NFKB1: variants seen among roughly 807,000 people sequenced by gnomAD.
NFKB1 encodes nuclear factor NF-kappa-B p105 subunit.
In NFKB1, 9 loss-of-function variants were observed where a neutral mutation model predicts 105.1. That is an observed-to-expected ratio of 0.09 (90% CI 0.05 to 0.15). NFKB1 has a LOEUF of 0.15. Ranked by LOEUF, NFKB1 falls within the 10% of genes least tolerant of loss-of-function variation. The pLI is 1.00. For missense variants in NFKB1, 830 were observed against 1,203.7 expected, an observed-to-expected ratio of 0.69 and a Z score of 4.59; for synonymous variants, 440 against 442.2, an observed-to-expected ratio of 1.00 and a Z score of 0.06.
intron 5 of NFKB1, 36 bp from the exon 6 acceptor site, chr4:102,566,951 A>C: frequency 6.2e-7 from 1 of 1,610,122 alleles, no homozygotes; most frequent in East Asian, 2.2e-5. Context: ...CTGGAGAGTC[A>C]GATATGCTAA....
At position 102,577,393 on chromosome 4, in the gene NFKB1, C is replaced by T. The variant is rs754051338; in HGVS notation, c.571+354C>T. On this transcript the variant is annotated intron_variant, in intron 7 of 23. Coordinates refer to ENST00000226574, the MANE Select transcript of NFKB1 (RefSeq NM_003998.4). ...CCCCACCGTTTCCATTTCACCCTCT[C>T]GAAAACCAATGCAGAAATCAAGACT... 5.9e-5 allele frequency among the ~76,000 whole-genome samples: 9 copies of T among 152,140 alleles called. No individual in the cohort carries two copies. In the East Asian group the frequency reaches 7.7e-4, roughly 13 times the overall value.
At chr4:102,556,184 G>A (rs1469832536) in intron 5 of NFKB1, among the ~76,000 whole-genome samples, 1 of 152,166 alleles carries the variant, frequency 6.6e-6, no homozygotes, top group Non-Finnish European at 1.5e-5. Flanking sequence ...CCAGGAGGTG[G>A]AGTAGCTTTG....
Position 102,615,914 on chromosome 4 carries a change from T to C in NFKB1, c.2750-520T>C, listed in dbSNP as rs531923249. Among the ~76,000 whole-genome samples, 8 of 152,372 alleles carry C rather than the reference T, an allele frequency of 5.3e-5. No individual in the cohort carries two copies. The East Asian group carries it at 5.8e-4, about 11-fold the overall frequency. ...TATAAACAAAGGGAATTCAACCTGA[T>C]TTTCCAGTATAGACTCATTTTCACC... On this transcript the variant is annotated intron_variant, in intron 23 of 23. Transcript: ENST00000226574.
chr4:102,546,139 T>C (rs987481761), intron 5 of NFKB1, among the ~76,000 whole-genome samples: 1 of 152,170 alleles, frequency 6.6e-6, no homozygotes, highest in Non-Finnish European at 1.5e-5. Context: ...TTATTGCTAA[T>C]ATTTGTAGTG....
rs114415650 is a variant in NFKB1 at position 102,541,718 on chromosome 4, G to C, written c.258+3762G>C. On this transcript the variant is annotated intron_variant, in intron 5 of 23. Transcript: ENST00000226574. Reference sequence around the variant, plus strand: ...CATTCCCACAGGAACTTCAGAGGGAGAGCATTTACATTTACAGGAAAGAAA... The same window carrying C: ...CATTCCCACAGGAACTTCAGAGGGACAGCATTTACATTTACAGGAAAGAAA... 2.8e-3 allele frequency among the ~76,000 whole-genome samples: 424 copies of C among 152,290 alleles called. 2 individuals are homozygous for C. The highest frequency in any genetic ancestry group is 9.5e-3 in the African/African-American group (396 of 41,568).
intron 5 of NFKB1, among the ~76,000 whole-genome samples, chr4:102,540,112 G>T (rs1741904837): frequency 1.3e-5 from 2 of 152,162 alleles, no homozygotes; most frequent in Admixed American, 1.3e-4. Context: ...TATAATGACT[G>T]AAGAATTAAC....
chr4:102,513,011 A>G (rs1318586987), intron 1 of NFKB1, among the ~76,000 whole-genome samples: 1 of 152,244 alleles, frequency 6.6e-6, no homozygotes, highest in Non-Finnish European at 1.5e-5. Flanking sequence ...CATGAGGTCT[A>G]CTTCTTCCTC....
rs2149175066 is a variant in NFKB1 at position 102,572,007 on chromosome 4, T to A, written c.408-4869T>A. 1.3e-5 allele frequency among the ~76,000 whole-genome samples: 2 copies of A among 152,344 alleles called. 1 individual carries two copies. The highest frequency in any genetic ancestry group is 4.1e-4 in the South Asian group (2 of 4,826). On this transcript the variant is annotated intron_variant, in intron 6 of 23. Transcript: ENST00000226574. ...GGGTATATACCCAAAGGTTTATAAA[T>A]CATGCTGCTATAAAGACACATGCAC...
chr4:102,523,919 A>T (rs1055172342), intron 1 of NFKB1, among the ~76,000 whole-genome samples: 2 of 152,136 alleles, frequency 1.3e-5, no homozygotes, highest in African/African-American at 2.4e-5. Flanking sequence ...AAGCAGTCAC[A>T]TTTCCAGCTA....
intron 5 of NFKB1, among the ~76,000 whole-genome samples, chr4:102,562,565 T>C (rs1373986086): frequency 4.6e-5 from 7 of 152,204 alleles, no homozygotes; most frequent in Non-Finnish European, 1.5e-5. Context: ...ATATTTGGGA[T>C]TGCTAATCCC....
chr4:102,555,876 G>A (rs537391246), intron 5 of NFKB1, among the ~76,000 whole-genome samples: 1 of 152,306 alleles, frequency 6.6e-6, no homozygotes, highest in South Asian at 2.1e-4. Flanking sequence ...CAGCAGCATT[G>A]TGCTTTAGGA....
chr4:102,545,205 GAGGCT>G (rs1259712447), intron 5 of NFKB1, among the ~76,000 whole-genome samples: 1 of 152,086 alleles, frequency 6.6e-6, no homozygotes, highest in East Asian at 1.9e-4. Flanking sequence ...GGTGAAGCTG[GAGGCT>G]ACCCTGCAGT....
At chr4:102,596,830 G>C (rs1460585313) in intron 14 of NFKB1, among the ~76,000 whole-genome samples, 4 of 151,456 alleles carry the variant, frequency 2.6e-5, no homozygotes, top group African/African-American at 9.7e-5. Flanking sequence ...CATGATTCTA[G>C]GTCATCCTAG....
chr4:102,577,930 T>G (rs1222662697), intron 7 of NFKB1: 2 of 985,376 alleles, frequency 2.0e-6, no homozygotes, highest in African/African-American at 3.5e-5. Context: ...GTTCTGTATC[T>G]TGTTGCTGCT....
At chr4:102,582,464 A>G (rs1725385971) in intron 9 of NFKB1, among the ~76,000 whole-genome samples, 1 of 152,226 alleles carries the variant, frequency 6.6e-6, no homozygotes, top group Non-Finnish European at 1.5e-5. Context: ...TCTGCCATAC[A>G]TTAATAGTAA....
At chr4:102,614,440 C>T (rs1728744241) in intron 23 of NFKB1, among the ~76,000 whole-genome samples, 1 of 152,194 alleles carries the variant, frequency 6.6e-6, no homozygotes, top group South Asian at 2.1e-4. Flanking sequence ...AAACAAAACA[C>T]ACCGAAACAA....
intron 1 of NFKB1, among the ~76,000 whole-genome samples, chr4:102,523,214 T>C (rs1480085574): frequency 6.6e-6 from 1 of 152,210 alleles, no homozygotes; most frequent in Non-Finnish European, 1.5e-5. Context: ...CTCTTTACTC[T>C]ATCAGGTCAA....
chr4:102,577,350 C>T (rs1430461147), intron 7 of NFKB1, among the ~76,000 whole-genome samples: 2 of 152,150 alleles, frequency 1.3e-5, no homozygotes, highest in African/African-American at 4.8e-5. Context: ...TTGTATGTGT[C>T]TTCCTTTACC....
rs556624744 is a variant in NFKB1, at chr4:102,514,744, G to A, written c.-7-10768G>A. ...TTTCCATTAGTTCTGCCACGTTTTT[G>A]CTTCATGTATTTTGAAGCTTTGTTA... On this transcript the variant is annotated intron_variant, in intron 1 of 23. Coordinates refer to ENST00000226574, the MANE Select transcript of NFKB1 (RefSeq NM_003998.4). 1.3e-5 allele frequency among the ~76,000 whole-genome samples: 2 copies of A among 152,106 alleles called. 1 individual carries two copies. The highest frequency in any genetic ancestry group is 4.2e-4 in the South Asian group (2 of 4,814).
Sources: gnomAD v4.1 joint callset for allele counts (sites outside exome capture counted in the v4.1 genomes callset) on GRCh38, gnomAD v4.1.1 for gene constraint, MANE v1.5 for transcripts, NCBI Gene and HGNC (gene_info 2026-07-23, HGNC 2026-07-21) for gene names.